ROBO2: variants seen among roughly 807,000 people sequenced by gnomAD.
The protein encoded by ROBO2 is roundabout homolog 2.
A neutral mutation model predicts 160.8 loss-of-function variants in ROBO2; 53 were observed. The observed-to-expected ratio is 0.33, with a 90% CI of 0.26 to 0.41. The LOEUF (loss-of-function observed/expected upper bound fraction) is 0.41, where lower values mean the gene tolerates loss of function less well. Among genes scored for constraint, ROBO2 ranks in the 10% least tolerant of loss-of-function variants. ROBO2 has a pLI of 1.00. For missense variants in ROBO2, 1,577 were observed against 1,722.4 expected (o/e 0.92, Z 1.49); for synonymous variants, 664 against 611.7 (o/e 1.09, Z -1.26).
At chr3:77,576,639 T>A (rs929154561) in intron 14 of ROBO2, among the ~76,000 whole-genome samples, 4 of 152,126 alleles carry the variant, frequency 2.6e-5, no homozygotes, top group Non-Finnish European at 5.9e-5. Context: ...CTCTCTTGCC[T>A]TTTCTCAGTA....
intron 2 of ROBO2, among the ~76,000 whole-genome samples, chr3:77,450,375 T>G (rs2080997264): frequency 6.6e-6 from 1 of 152,096 alleles, no homozygotes; most frequent in African/African-American, 2.4e-5. Context: ...ATCTCTAAGC[T>G]TAATGACCTT....
At chr3:76,103,406 C>T (rs1296502319) in intron 2 of ROBO2, among the ~76,000 whole-genome samples, 1 of 152,176 alleles carries the variant, frequency 6.6e-6, no homozygotes, top group Non-Finnish European at 1.5e-5. Flanking sequence ...AAATAGGTTT[C>T]TAACTGAAGA....
chr3:76,413,157 G>T (rs534790711), intron 2 of ROBO2, among the ~76,000 whole-genome samples: 1 of 152,168 alleles, frequency 6.6e-6, no homozygotes, highest in South Asian at 2.1e-4. Context: ...CACTGAGTCC[G>T]TAGGCTGCAC....
intron 2 of ROBO2, among the ~76,000 whole-genome samples, chr3:76,241,807 C>G (rs1385081645): frequency 6.6e-6 from 1 of 152,080 alleles, no homozygotes; most frequent in Non-Finnish European, 1.5e-5. Flanking sequence ...AATGTACTGT[C>G]TGAATGATAG....
Position 77,130,528 on chromosome 3 carries a change from C to A in ROBO2, c.388+32188C>A, listed in dbSNP as rs116000010. Among the ~76,000 whole-genome samples, 1,108 of 152,248 alleles carry A rather than the reference C, an allele frequency of 7.3e-3. 18 individuals are homozygous for A. The highest frequency in any genetic ancestry group is 0.025 in the African/African-American group (1,048 of 41,538). On this transcript the variant is annotated intron_variant, in intron 2 of 25. Coordinates refer to ENST00000461745, the Ensembl canonical transcript of ROBO2. ...TTTATGAATGCATTCCAATACTAAACGGCAAATTTTAACAATGCAAAAGCT... is the reference window on the plus strand; with the variant it reads ...TTTATGAATGCATTCCAATACTAAAAGGCAAATTTTAACAATGCAAAAGCT...
chr3:76,756,071 T>C (rs902368156), intron 2 of ROBO2, among the ~76,000 whole-genome samples: 2 of 152,024 alleles, frequency 1.3e-5, no homozygotes, highest in East Asian at 1.9e-4. Context: ...TGTAATAATG[T>C]AATATTCACC....
intron 2 of ROBO2, among the ~76,000 whole-genome samples, chr3:77,212,553 C>G (rs1173885220): frequency 6.6e-6 from 1 of 151,922 alleles, no homozygotes; most frequent in African/African-American, 2.4e-5. Flanking sequence ...TTTTCCTAAT[C>G]AAATCCCCTT....
At chr3:77,024,962 G>GTTTT (rs796434784) in intron 2 of ROBO2, among the ~76,000 whole-genome samples, 1 of 149,156 alleles carries the variant, frequency 6.7e-6, no homozygotes, top group Non-Finnish European at 1.5e-5. Flanking sequence ...CCTCTTAGCT[G>GTTTT]TTTTTTTTTG....
At chr3:76,131,982 G>C (rs990713202) in intron 2 of ROBO2, among the ~76,000 whole-genome samples, 5 of 152,032 alleles carry the variant, frequency 3.3e-5, no homozygotes, top group Non-Finnish European at 5.9e-5. Flanking sequence ...TGAAATAATA[G>C]CAGTTATGAC....
At chr3:77,175,064 A>T (rs947775189) in intron 2 of ROBO2, among the ~76,000 whole-genome samples, 1 of 152,064 alleles carries the variant, frequency 6.6e-6, no homozygotes, top group African/African-American at 2.4e-5. Context: ...TTTATAACTC[A>T]TATTTTTCAT....
chr3:76,778,094 G>A (rs1459741221), intron 2 of ROBO2, among the ~76,000 whole-genome samples: 6 of 150,070 alleles, frequency 4.0e-5, no homozygotes, highest in African/African-American at 1.5e-4. Context: ...GAGGTGGTGT[G>A]TAGTGTCAGG....
chr3:76,665,209 T>A (rs2091972192), intron 2 of ROBO2, among the ~76,000 whole-genome samples: 1 of 152,178 alleles, frequency 6.6e-6, no homozygotes, highest in Non-Finnish European at 1.5e-5. Context: ...CCTCCATTTC[T>A]TGTATTCTCT....
At chr3:77,534,145 G>A (rs1201436517) in intron 6 of ROBO2, among the ~76,000 whole-genome samples, 1 of 151,990 alleles carries the variant, frequency 6.6e-6, no homozygotes, top group East Asian at 1.9e-4. Flanking sequence ...TTTGGCAGGG[G>A]TACTTCATAA....
intron 16 of ROBO2, among the ~76,000 whole-genome samples, chr3:77,587,909 A>G (rs914919710): frequency 3.3e-5 from 5 of 152,098 alleles, no homozygotes; most frequent in African/African-American, 4.8e-5. Context: ...AAGCCAATAA[A>G]TCTTATGATT....
intron 2 of ROBO2, among the ~76,000 whole-genome samples, chr3:76,819,595 A>G (rs1021696057): frequency 6.6e-6 from 1 of 152,044 alleles, no homozygotes; most frequent in African/African-American, 2.4e-5. Flanking sequence ...TTACAAAGCA[A>G]TAAACATGGC....
chr3:76,091,243 A>G (rs1479449814), intron 2 of ROBO2, among the ~76,000 whole-genome samples: 1 of 152,194 alleles, frequency 6.6e-6, no homozygotes, highest in Non-Finnish European at 1.5e-5. Context: ...ACTCAACAAT[A>G]AATAACTCAA....
intron 2 of ROBO2, among the ~76,000 whole-genome samples, chr3:76,125,638 CAT>C (rs1297544650): frequency 2.0e-5 from 3 of 151,810 alleles, no homozygotes; most frequent in African/African-American, 4.8e-5. Context: ...GTTGGCCACA[CAT>C]ATGTCTTCTA....
chr3:76,621,628 T>C (rs1395805919), intron 2 of ROBO2, among the ~76,000 whole-genome samples: 2 of 152,228 alleles, frequency 1.3e-5, no homozygotes, highest in Non-Finnish European at 2.9e-5. Flanking sequence ...AAAATAATAA[T>C]AGCACCCACT....
At chr3:77,059,230 G>A (rs569458338) in intron 1 of ROBO2, among the ~76,000 whole-genome samples, 11 of 152,266 alleles carry the variant, frequency 7.2e-5, no homozygotes, top group South Asian at 4.1e-4. Context: ...GGAAGGTCCC[G>A]AAGTGGACAG....
Sources: gnomAD v4.1 joint callset for allele counts (sites outside exome capture counted in the v4.1 genomes callset) on GRCh38, gnomAD v4.1.1 for gene constraint, MANE v1.5 for transcripts, NCBI Gene and HGNC (gene_info 2026-07-23, HGNC 2026-07-21) for gene names.